The following LTBP1 variants were observed in gnomAD, a reference collection of about 807,000 sequenced individuals.
The protein encoded by LTBP1 is latent-transforming growth factor beta-binding protein 1.
A neutral mutation model predicts 207.6 loss-of-function variants in LTBP1; 129 were observed. That is an observed-to-expected ratio of 0.62 (90% CI 0.54 to 0.72). The LOEUF is 0.72. LTBP1 is among the 30% of genes least tolerant of loss of function. LTBP1 has a pLI of 0.00. For synonymous variants in LTBP1, 963 were observed against 833.7 expected, an observed-to-expected ratio of 1.16 and a Z score of -2.67; for missense variants, 2,281 against 2,217.2, an observed-to-expected ratio of 1.03 and a Z score of -0.58.
intron 19 of LTBP1, among the ~76,000 whole-genome samples, chr2:33,283,485 GA>G (rs2148627798): frequency 8.4e-6 from 1 of 119,236 alleles, no homozygotes; most frequent in Non-Finnish European, 1.6e-5. Flanking sequence ...CGCCCAGGCT[GA>G]AGTGGAGTGG....
At chr2:33,076,620 T>A (rs1048866008) in intron 3 of LTBP1, among the ~76,000 whole-genome samples, 1 of 151,926 alleles carries the variant, frequency 6.6e-6, no homozygotes, top group South Asian at 2.1e-4. Context: ...CACTGCAACC[T>A]CTGCCTCCCG....
chr2:33,122,553 A>T (rs1393484695), intron 4 of LTBP1, among the ~76,000 whole-genome samples: 1 of 152,218 alleles, frequency 6.6e-6, no homozygotes, highest in Non-Finnish European at 1.5e-5. Context: ...TAGATTAATC[A>T]GAATCTCTCT....
intron 18 of LTBP1, 66 bp downstream of exon 18, chr2:33,275,989 G>T (rs925389746): frequency 6.7e-7 from 1 of 1,494,628 alleles, no homozygotes. Context: ...CACCTTGCCT[G>T]GTTCTTGTTT....
intron 5 of LTBP1, among the ~76,000 whole-genome samples, chr2:33,177,723 T>A (rs763893894): frequency 6.6e-6 from 1 of 152,182 alleles, no homozygotes; most frequent in Non-Finnish European, 1.5e-5. Flanking sequence ...GAGGAATGGC[T>A]ATATAATTTA....
chr2:33,037,634 G>T (rs181991503), intron 3 of LTBP1, among the ~76,000 whole-genome samples: 10 of 152,114 alleles, frequency 6.6e-5, no homozygotes, highest in African/African-American at 2.2e-4. Flanking sequence ...TCTGATTCTG[G>T]CTTGTTTCCT....
At chr2:33,278,395 A>G (rs951960808) in intron 18 of LTBP1, among the ~76,000 whole-genome samples, 3 of 152,192 alleles carry the variant, frequency 2.0e-5, no homozygotes, top group Non-Finnish European at 4.4e-5. Flanking sequence ...CTGTTTTCAA[A>G]TTTCATCATG....
At chr2:33,188,480 G>A in intron 6 of LTBP1, 97 bp from the exon 7 acceptor site, 1 of 869,452 alleles carries the variant, frequency 1.2e-6, no homozygotes, top group Non-Finnish European at 1.8e-6. Flanking sequence ...TGCTACACAT[G>A]CATGCATGTT....
chr2:33,069,619 A>C (rs1351947912), intron 3 of LTBP1, among the ~76,000 whole-genome samples: 6 of 152,234 alleles, frequency 3.9e-5, no homozygotes, highest in Non-Finnish European at 2.9e-5. Context: ...CTCAAGCCTC[A>C]TAGACTCAGG....
intron 24 of LTBP1, among the ~76,000 whole-genome samples, chr2:33,326,089 A>C (rs1248239683): frequency 6.6e-6 from 1 of 152,014 alleles, no homozygotes; most frequent in Non-Finnish European, 1.5e-5. Flanking sequence ...TAAAAAAAAA[A>C]ACAGTGTTTT....
rs1256714477 is a variant in LTBP1, at chr2:33,280,122, A to G, written c.3076A>G (p.Thr1026Ala). The change falls in exon 19 of 34, where the codon ACA becomes GCA. Residue 1026 changes from threonine to alanine, a missense_variant. This residue lies in a region of LTBP1 where 1,671 missense variants were observed against 1,634.8 expected (regional missense o/e 1.02). Transcript: ENST00000404816. Reference protein sequence around the residue: ...SPGSYQCVPCTEGFRGWNGQC... With the variant: ...SPGSYQCVPCAEGFRGWNGQC... ...TGGATCTTACCAGTGCGTTCCCTGC[A>G]CAGAAGGATTCCGAGGCTGGAATGG... 7 of 1,614,032 alleles carry G rather than the reference A, an allele frequency of 4.3e-6. No homozygotes were observed. In the African/African-American group the frequency reaches 9.3e-5, roughly 22 times the overall value.
In LTBP1 at chr2:33,164,609, G is replaced by C. The variant is rs549693144; in HGVS notation, c.1202-22247G>C. Among the ~76,000 whole-genome samples the C allele has an allele frequency of 1.4e-3, 213 of 151,970 alleles. 3 individuals are homozygous for C. The highest frequency in any genetic ancestry group is 3.4e-3 in the Middle Eastern group (1 of 294). On this transcript the variant is annotated intron_variant, in intron 5 of 33. Coordinates refer to ENST00000404816, the MANE Select transcript of LTBP1 (RefSeq NM_206943.4). Reference sequence around the variant, plus strand: ...AGAAAAAAGCATCATTTCTTATTTTGATGTCATTTGGAATAAAAAATGACC... The same window carrying C: ...AGAAAAAAGCATCATTTCTTATTTTCATGTCATTTGGAATAAAAAATGACC...
At chr2:33,205,229 C>T (rs1452445869) in intron 7 of LTBP1, among the ~76,000 whole-genome samples, 1 of 152,206 alleles carries the variant, frequency 6.6e-6, no homozygotes, top group Non-Finnish European at 1.5e-5. Context: ...TTCTTCAACC[C>T]ACACTTCTCT....
intron 5 of LTBP1, among the ~76,000 whole-genome samples, chr2:33,147,867 C>G (rs2083180759): frequency 6.6e-6 from 1 of 152,190 alleles, no homozygotes; most frequent in Non-Finnish European, 1.5e-5. Flanking sequence ...CCCTAAATTC[C>G]AAGGGATATG....
At chr2:33,016,235 G>A (rs572679269) in intron 2 of LTBP1, among the ~76,000 whole-genome samples, 8 of 152,292 alleles carry the variant, frequency 5.3e-5, no homozygotes, top group Non-Finnish European at 4.4e-5. Flanking sequence ...TTCTGCAGGG[G>A]TAGACCAGTG....
At chr2:33,111,098 A>G (rs897356753) in intron 4 of LTBP1, among the ~76,000 whole-genome samples, 3 of 152,358 alleles carry the variant, frequency 2.0e-5, no homozygotes, top group South Asian at 2.1e-4. Flanking sequence ...TAAGCTAGCC[A>G]GGACTCATGC....
intron 3 of LTBP1, among the ~76,000 whole-genome samples, chr2:33,039,655 T>C (rs1417057075): frequency 2.0e-5 from 3 of 152,224 alleles, no homozygotes; most frequent in Non-Finnish European, 4.4e-5. Context: ...TGAGAAATTA[T>C]ATGTTGTGTT....
At chr2:33,066,921 C>T (rs908483697) in intron 3 of LTBP1, among the ~76,000 whole-genome samples, 3 of 152,172 alleles carry the variant, frequency 2.0e-5, no homozygotes, top group Non-Finnish European at 2.9e-5. Flanking sequence ...GCCTTGAGCA[C>T]TTTGGGAGGC....
At chr2:33,192,861 A>G (rs528130742) in intron 7 of LTBP1, among the ~76,000 whole-genome samples, 1 of 152,312 alleles carries the variant, frequency 6.6e-6, no homozygotes, top group Non-Finnish European at 1.5e-5. Flanking sequence ...GGAGAACACA[A>G]GAGAGCAAGG....
chr2:33,236,026 C>T (rs1260288846), intron 9 of LTBP1, among the ~76,000 whole-genome samples: 1 of 151,970 alleles, frequency 6.6e-6, no homozygotes, highest in Non-Finnish European at 1.5e-5. Context: ...ACATTCTGCA[C>T]GTGTATCCAA....
Sources: gnomAD v4.1 joint callset for allele counts (sites outside exome capture counted in the v4.1 genomes callset) on GRCh38, gnomAD v4.1.1 for gene constraint, gnomAD v4.1.1 regional missense constraint, MANE v1.5 for transcripts, NCBI Gene and HGNC (gene_info 2026-07-23, HGNC 2026-07-21) for gene names.